Variants in ZBBX observed in about 807,000 individuals in gnomAD.
ZBBX encodes the protein zinc finger B-box domain-containing protein 1.
A neutral mutation model predicts 108.5 loss-of-function variants in ZBBX; 101 were observed. The observed-to-expected ratio is 0.93, with a 90% CI of 0.79 to 1.10. The LOEUF is 1.10. ZBBX is among the 50% of genes least tolerant of loss of function. ZBBX has a pLI of 0.00. For missense variants in ZBBX, 1,009 were observed against 941.4 expected (o/e 1.07, Z -0.94); for synonymous variants, 356 against 323.4 (o/e 1.10, Z -1.08).
At chr3:167,401,463 A>G (rs1748421738) in intron 1 of ZBBX, 1 of 152,094 alleles carries the variant, frequency 6.6e-6, no homozygotes, top group African/African-American at 2.4e-5. Flanking sequence ...AAAAATGGCT[A>G]CCCTATAGAC....
chr3:167,307,559 A>C (rs1202083453), intron 16 of ZBBX, among the ~76,000 whole-genome samples: 1 of 152,292 alleles, frequency 6.6e-6, no homozygotes, highest in Admixed American at 6.5e-5. Context: ...ATGCTACCCA[A>C]CTTCAAACTA....
At chr3:167,188,028 A>C in the ZBBX span, among the ~76,000 whole-genome samples, 1 of 152,216 alleles carries the variant, frequency 6.6e-6, no homozygotes, top group African/African-American at 2.4e-5. Context: ...TTAAAGACAA[A>C]CAGGAAAATT....
At chr3:167,253,454 A>AGAGACAGCACACAG (rs1722959493) in intron 20 of ZBBX, among the ~76,000 whole-genome samples, 1 of 152,308 alleles carries the variant, frequency 6.6e-6, no homozygotes, top group South Asian at 2.1e-4. Context: ...GTTTCCCCAC[A>AGAGACAGCACACAG]GAGACAGCAC....
rs1366267642 is a variant in ZBBX at position 167,365,918 on chromosome 3, T to C, written c.241A>G (p.Met81Val). ...ACATTTCCTTTATTTTGTGACATCA[T>C]ATATGATTGATTGACCAATTTGCCC... ...KVGKLVNQSY[M>V]MSQNKGNVVK... The change falls in exon 6 of 22, where the codon ATG (methionine) becomes GTG (valine). Residue 81 changes from methionine to valine, a missense_variant. Transcript: ENST00000675490. 1.9e-6 allele frequency: 3 copies of C among 1,609,552 alleles called. No individual in the cohort carries two copies. Among genetic ancestry groups the C allele is most frequent in the South Asian group, 1.1e-5 (1 of 90,728 alleles).
At position 167,298,372 on chromosome 3, in the gene ZBBX, T is replaced by G; in HGVS notation, c.1812A>C (p.Glu604Asp). The change falls in exon 18 of 22, where the codon GAA becomes GAC. Residue 604 changes from glutamate to aspartate, a missense_variant. Glu to Asp is a conservative substitution (Grantham distance 45, BLOSUM62 2). Coordinates refer to ENST00000675490, the MANE Select transcript of ZBBX (RefSeq NM_001199201.2). ...LERFFIFDTNERLNLLPSHRL... is the reference protein window; with the variant it reads ...LERFFIFDTNDRLNLLPSHRL... ...GATGAGAAGGAAGTAAGTTGAGTCT[T>G]TCATTTGTATCAAAAATAAAGAATC... is the stretch of plus-strand genomic sequence containing the variant. The G allele has an allele frequency of 6.2e-7, 1 of 1,600,622 alleles. No individual in the cohort carries two copies. Among genetic ancestry groups the G allele is most frequent in the Non-Finnish European group, 8.5e-7 (1 of 1,171,922 alleles).
chr3:167,180,926 A>AT, the ZBBX span, among the ~76,000 whole-genome samples: 1 of 152,084 alleles, frequency 6.6e-6, no homozygotes, highest in Non-Finnish European at 1.5e-5. Flanking sequence ...CATTTACCTG[A>AT]TTTTTTTCTT....
rs559661841 is a variant in ZBBX at position 167,326,949 on chromosome 3, T to C, written c.862+993A>G. ...TAAAATTGGCAAGTAAGATACATGA[T>C]TGAAATTTATTATCTAACATTTTAT... On this transcript the variant is annotated intron_variant, in intron 11 of 21. Transcript: ENST00000675490. Among the ~76,000 whole-genome samples, 5 of 152,070 alleles carry C rather than the reference T, an allele frequency of 3.3e-5. No homozygotes were observed. In the East Asian group the frequency reaches 9.7e-4, roughly 29 times the overall value.
intron 18 of ZBBX, among the ~76,000 whole-genome samples, chr3:167,293,141 T>A (rs1459271997): frequency 1.3e-5 from 2 of 152,176 alleles, no homozygotes; most frequent in East Asian, 3.9e-4. Context: ...GCTGGTACCA[T>A]TCCTTCTGAA....
At chr3:167,194,846 C>A in the ZBBX span, among the ~76,000 whole-genome samples, 1 of 152,188 alleles carries the variant, frequency 6.6e-6, no homozygotes, top group Non-Finnish European at 1.5e-5. Flanking sequence ...GCTAATGAAG[C>A]TCAAGCTTCA....
chr3:167,325,526 T>C (rs574616069), intron 11 of ZBBX, among the ~76,000 whole-genome samples: 1 of 152,106 alleles, frequency 6.6e-6, no homozygotes, highest in South Asian at 2.1e-4. Flanking sequence ...CAATTCAAGA[T>C]GAGATTTTGA....
chr3:167,342,886 T>TAC (rs1411674411), intron 9 of ZBBX, among the ~76,000 whole-genome samples: 1 of 151,580 alleles, frequency 6.6e-6, no homozygotes, highest in African/African-American at 2.4e-5. Context: ...ATATAATGGG[T>TAC]ATATGTACAT....
chr3:167,271,170 G>T (rs1381641489), intron 20 of ZBBX, among the ~76,000 whole-genome samples: 1 of 151,428 alleles, frequency 6.6e-6, no homozygotes, highest in Admixed American at 6.6e-5. Context: ...TATGCCTTTG[G>T]GGTGGCCCAT....
intron 6 of ZBBX, among the ~76,000 whole-genome samples, chr3:167,365,619 C>G (rs921160795): frequency 1.3e-5 from 2 of 151,600 alleles, no homozygotes; most frequent in African/African-American, 4.8e-5. Flanking sequence ...TAAACCAGAT[C>G]CACACTGAAT....
chr3:167,179,043 T>C, the ZBBX span, among the ~76,000 whole-genome samples: 1 of 152,002 alleles, frequency 6.6e-6, no homozygotes, highest in Non-Finnish European at 1.5e-5. Context: ...GCATTGTCCA[T>C]TTTAAGAGAA....
At chr3:167,390,285 A>G (rs1748047373) in intron 1 of ZBBX, among the ~76,000 whole-genome samples, 1 of 151,874 alleles carries the variant, frequency 6.6e-6, no homozygotes, top group African/African-American at 2.4e-5. Flanking sequence ...GATATGTGGC[A>G]TTATTTCTGA....
the ZBBX span, among the ~76,000 whole-genome samples, chr3:167,227,661 T>C: frequency 1.3e-5 from 2 of 151,746 alleles, no homozygotes; most frequent in African/African-American, 2.4e-5. Flanking sequence ...TATACAAGTT[T>C]ACAATTTTAC....
the ZBBX span, among the ~76,000 whole-genome samples, chr3:167,204,147 T>C: frequency 6.6e-6 from 1 of 152,022 alleles, no homozygotes; most frequent in Non-Finnish European, 1.5e-5. Flanking sequence ...TTAAGTTCCT[T>C]GGTTTACTTG....
chr3:167,325,993 C>T (rs547667844), intron 11 of ZBBX, among the ~76,000 whole-genome samples: 2 of 152,072 alleles, frequency 1.3e-5, no homozygotes, highest in Non-Finnish European at 2.9e-5. Context: ...GCCAGTTTGA[C>T]AATATTCATT....
At chr3:167,319,363 A>G (rs2108307090) in intron 12 of ZBBX, among the ~76,000 whole-genome samples, 1 of 152,182 alleles carries the variant, frequency 6.6e-6, no homozygotes, top group East Asian at 1.9e-4. Flanking sequence ...TTACGGACTA[A>G]GAAAGGGAAG....
Sources: gnomAD v4.1 joint callset for allele counts (sites outside exome capture counted in the v4.1 genomes callset) on GRCh38, gnomAD v4.1.1 for gene constraint, MANE v1.5 for transcripts, NCBI Gene and HGNC (gene_info 2026-07-23, HGNC 2026-07-21) for gene names.